The following DIP2C variants were observed in gnomAD, a reference collection of about 807,000 sequenced individuals.
DIP2C encodes disco-interacting protein 2 homolog C.
In DIP2C, 33 loss-of-function variants were observed where a neutral mutation model predicts 192.4. The ratio of observed to expected loss-of-function variants is 0.17; its 90% CI spans 0.13 to 0.23. The LOEUF (loss-of-function observed/expected upper bound fraction) is 0.23. Ranked by LOEUF, DIP2C falls within the 10% of genes least tolerant of loss-of-function variation. The probability of loss-of-function intolerance (pLI) is 1.00; values close to 1 mark genes in which losing one functional copy is unlikely to be tolerated. For missense variants in DIP2C, 1,537 were observed against 2,110.1 expected (o/e 0.73, Z 5.32); for synonymous variants, 979 against 864.1 (o/e 1.13, Z -2.33).
intron 28 of DIP2C, among the ~76,000 whole-genome samples, chr10:344,149 G>C (rs929188199): frequency 1.3e-5 from 2 of 152,178 alleles, no homozygotes; most frequent in African/African-American, 2.4e-5. Flanking sequence ...TATGACAGTG[G>C]GAGGGTCACA....
intron 1 of DIP2C, among the ~76,000 whole-genome samples, chr10:591,072 G>T (rs985850239): frequency 6.7e-6 from 1 of 148,150 alleles, no homozygotes; most frequent in Non-Finnish European, 1.5e-5. Flanking sequence ...AAAAATGAAA[G>T]AAGCCGCCAC....
chr10:557,875 A>AGGAAGGGGGAGGG (rs1848988797), intron 1 of DIP2C, among the ~76,000 whole-genome samples: 2 of 40,276 alleles, frequency 5.0e-5, no homozygotes, highest in African/African-American at 1.8e-4. Flanking sequence ...GCAGGCAGGC[A>AGGAAGGGGGAGGG]GGCAGGGGGA....
At chr10:417,510 C>A (rs1039913104) in intron 6 of DIP2C, among the ~76,000 whole-genome samples, 1 of 152,228 alleles carries the variant, frequency 6.6e-6, no homozygotes, top group Non-Finnish European at 1.5e-5. Flanking sequence ...GCAATCAGGG[C>A]GATTTCAAGC....
At chr10:445,700 C>G (rs1224180771) in intron 3 of DIP2C, among the ~76,000 whole-genome samples, 1 of 151,510 alleles carries the variant, frequency 6.6e-6, no homozygotes, top group Non-Finnish European at 1.5e-5. Flanking sequence ...CTGTATACAT[C>G]TGTTGTGAAG....
rs141081864 is a variant in DIP2C, at chr10:277,502, C to T, written c.4494G>A (p.Leu1498=). 261 of 1,614,216 alleles carry T rather than the reference C, an allele frequency of 1.6e-4. No homozygotes were observed. The African/African-American group carries it at 2.7e-3, about 17-fold the overall frequency. Residue 1498 remains leucine, a synonymous_variant, in exon 37 of 37, where the codon CTG becomes CTA. Transcript: ENST00000280886. ...LDGSEQEALD[L]VPLVTNVVLE... ...GGACCACGTTGGTCACCAAGGGAACCAGGTCCAAGGCTTCTTGTTCCGACC... is the reference window on the plus strand; with the variant it reads ...GGACCACGTTGGTCACCAAGGGAACTAGGTCCAAGGCTTCTTGTTCCGACC...
intron 1 of DIP2C, among the ~76,000 whole-genome samples, chr10:546,261 G>A (rs1848278478): frequency 4.5e-5 from 6 of 133,410 alleles, no homozygotes; most frequent in Admixed American, 3.8e-4. Flanking sequence ...CAGCCTGGGT[G>A]ACAGAGCAAG....
At chr10:369,394 C>CCACGGGAA (rs376476699) in intron 18 of DIP2C, 100 bp downstream of exon 18, 41 of 1,433,584 alleles carry the variant, frequency 2.9e-5, no homozygotes, top group Middle Eastern at 2.1e-4. Flanking sequence ...TGAGGGCACA[C>CCACGGGAA]CACGGGAACG....
chr10:456,044 G>A (rs1969265920), intron 3 of DIP2C, among the ~76,000 whole-genome samples: 1 of 57,054 alleles, frequency 1.8e-5, no homozygotes, highest in Non-Finnish European at 2.9e-5. Flanking sequence ...ACACTCTGCA[G>A]TGAGTCCCTG....
chr10:547,723 A>G (rs1848359275), intron 1 of DIP2C, among the ~76,000 whole-genome samples: 1 of 152,216 alleles, frequency 6.6e-6, no homozygotes, highest in East Asian at 1.9e-4. Flanking sequence ...CTTTTCCCAC[A>G]GGCTCCCAGA....
At chr10:430,364 G>T (rs1199841201) in intron 4 of DIP2C, 19 of 152,292 alleles carry the variant, frequency 1.2e-4, no homozygotes, top group Admixed American at 1.2e-3. Context: ...CCTCCCAGGA[G>T]GTCGCTGGGT....
intron 31 of DIP2C, among the ~76,000 whole-genome samples, chr10:316,325 G>A (rs1589456406): frequency 6.6e-6 from 1 of 152,320 alleles, no homozygotes; most frequent in Non-Finnish European, 1.5e-5. Flanking sequence ...CTATGGGCAG[G>A]ATCCGGATGC....
chr10:408,801 G>T (rs1589725126), intron 9 of DIP2C, 125 bp downstream of exon 9: 1 of 796,926 alleles, frequency 1.3e-6, no homozygotes, highest in Non-Finnish European at 2.0e-6. Context: ...TAGCAGTTAA[G>T]AATAAAAACT....
intron 1 of DIP2C, among the ~76,000 whole-genome samples, chr10:617,604 G>A (rs368898564): frequency 1.3e-5 from 2 of 152,006 alleles, no homozygotes; most frequent in East Asian, 1.9e-4. Context: ...GACCTGCCAC[G>A]TAGCGGCCAC....
At chr10:532,877 A>G (rs1847499625) in intron 1 of DIP2C, among the ~76,000 whole-genome samples, 1 of 151,950 alleles carries the variant, frequency 6.6e-6, no homozygotes, top group South Asian at 2.1e-4. Context: ...TGCAGCCTCA[A>G]CCTCCCAGGC....
chr10:529,791 AT>A (rs1024059454), intron 1 of DIP2C, among the ~76,000 whole-genome samples: 13 of 151,506 alleles, frequency 8.6e-5, no homozygotes, highest in African/African-American at 2.9e-4. Flanking sequence ...GCTTGCTTTT[AT>A]TTTTTTAGGT....
intron 1 of DIP2C, among the ~76,000 whole-genome samples, chr10:593,631 C>T (rs1018905955): frequency 6.6e-6 from 1 of 152,040 alleles, no homozygotes; most frequent in African/African-American, 2.4e-5. Flanking sequence ...GGAGACGGCA[C>T]ATATCCTAGC....
At chr10:515,609 G>T (rs1374014496) in intron 1 of DIP2C, among the ~76,000 whole-genome samples, 3 of 152,164 alleles carry the variant, frequency 2.0e-5, no homozygotes, top group Non-Finnish European at 2.9e-5. Flanking sequence ...TAATAATCCC[G>T]CTACTCAAGA....
intron 1 of DIP2C, among the ~76,000 whole-genome samples, chr10:597,600 A>G (rs1851790707): frequency 6.6e-6 from 1 of 152,250 alleles, no homozygotes; most frequent in African/African-American, 2.4e-5. Context: ...CACTTGCCAC[A>G]AAAATGAGAA....
At chr10:366,154 CAT>C in intron 19 of DIP2C, 119 bp downstream of exon 19, 1 of 1,390,728 alleles carries the variant, frequency 7.2e-7, no homozygotes, top group Non-Finnish European at 9.8e-7. Flanking sequence ...CGTTTTCATT[CAT>C]ATAAACACGT....
Sources: gnomAD v4.1 joint callset for allele counts (sites outside exome capture counted in the v4.1 genomes callset) on GRCh38, gnomAD v4.1.1 for gene constraint, MANE v1.5 for transcripts, NCBI Gene and HGNC (gene_info 2026-07-23, HGNC 2026-07-21) for gene names.